IPO11: variants seen among roughly 807,000 people sequenced by gnomAD.
IPO11 encodes importin-11.
Under a neutral mutation model 143.2 loss-of-function variants are expected in IPO11, and 66 were observed. That is an observed-to-expected ratio of 0.46 (90% CI 0.38 to 0.57). The LOEUF (loss-of-function observed/expected upper bound fraction) is 0.57. Ranked by LOEUF, IPO11 falls within the 20% of genes least tolerant of loss-of-function variation. IPO11 has a pLI of 0.00. For synonymous variants in IPO11, 385 were observed against 377.8 expected (o/e 1.02, Z -0.22); for missense variants, 1,026 against 1,141.0 (o/e 0.90, Z 1.45).
intron 22 of IPO11, among the ~76,000 whole-genome samples, chr5:62,534,392 T>C (rs1250483974): frequency 6.6e-6 from 1 of 152,164 alleles, no homozygotes; most frequent in African/African-American, 2.4e-5. Flanking sequence ...AGATTCTCTA[T>C]AACATAATTT....
At chr5:62,580,825 G>C (rs1398273996) in intron 27 of IPO11, 2 of 1,551,218 alleles carry the variant, frequency 1.3e-6, no homozygotes, top group East Asian at 4.9e-5. Flanking sequence ...TACTTCACCT[G>C]CTGGTAGATT....
chr5:62,603,660 C>G (rs1047587862), intron 29 of IPO11, among the ~76,000 whole-genome samples: 1 of 152,200 alleles, frequency 6.6e-6, no homozygotes. Context: ...GTGTGCACAG[C>G]TTTGGGATGT....
intron 7 of IPO11, among the ~76,000 whole-genome samples, chr5:62,473,420 A>G (rs1183633153): frequency 2.0e-5 from 3 of 152,194 alleles, no homozygotes; most frequent in East Asian, 1.9e-4. Context: ...GTGGATGGAT[A>G]TTGAGAGTCT....
At position 62,496,697 on chromosome 5, in the gene IPO11, A is replaced by G. The variant is rs544197170; in HGVS notation, c.1590+2573A>G. On this transcript the variant is annotated intron_variant, in intron 16 of 29. Transcript: ENST00000325324. ...TACAACCATATAGAGACATGTATGTATATATATGCAAACATGCATTTATAT... is the reference window on the plus strand; with the variant it reads ...TACAACCATATAGAGACATGTATGTGTATATATGCAAACATGCATTTATAT... Among the ~76,000 whole-genome samples the G allele has an allele frequency of 2.0e-5, 3 of 152,348 alleles. No individual in the cohort carries two copies. In the East Asian group the frequency reaches 5.8e-4, roughly 29 times the overall value.
intron 29 of IPO11, among the ~76,000 whole-genome samples, chr5:62,607,749 T>C (rs1745776655): frequency 1.3e-5 from 2 of 152,106 alleles, no homozygotes; most frequent in Non-Finnish European, 2.9e-5. Flanking sequence ...CTTTTTTCTT[T>C]TCTCAACTTG....
intron 1 of IPO11, among the ~76,000 whole-genome samples, chr5:62,418,509 G>C (rs1194644435): frequency 6.6e-6 from 1 of 152,204 alleles, no homozygotes; most frequent in Non-Finnish European, 1.5e-5. Context: ...GCTATTAACA[G>C]TATAGTGCTA....
chr5:62,557,530 C>T (rs1395165583), intron 26 of IPO11, among the ~76,000 whole-genome samples: 1 of 152,192 alleles, frequency 6.6e-6, no homozygotes, highest in Non-Finnish European at 1.5e-5. Context: ...TGGTCTCTCA[C>T]TTCCCATTGA....
At chr5:62,545,177 C>G (rs1229090313) in intron 24 of IPO11, among the ~76,000 whole-genome samples, 12 of 152,208 alleles carry the variant, frequency 7.9e-5, no homozygotes, top group Non-Finnish European at 1.8e-4. Context: ...CTGGAGGCAT[C>G]ATGCTACCTG....
intron 20 of IPO11, among the ~76,000 whole-genome samples, chr5:62,517,177 G>A (rs982618889): frequency 1.4e-5 from 2 of 146,180 alleles, no homozygotes; most frequent in Non-Finnish European, 3.0e-5. Flanking sequence ...TAGCCTGGGC[G>A]ACAGAGCAAG....
At chr5:62,490,443 G>A (rs912010139) in intron 15 of IPO11, among the ~76,000 whole-genome samples, 8 of 152,134 alleles carry the variant, frequency 5.3e-5, no homozygotes, top group African/African-American at 1.9e-4. Context: ...GATGAGGGAG[G>A]ATGGAGGTCT....
At chr5:62,580,250 G>C (rs950364928) in intron 27 of IPO11, 1 of 1,546,324 alleles carries the variant, frequency 6.5e-7, no homozygotes, top group African/African-American at 1.4e-5. Flanking sequence ...ACTAGGGATG[G>C]GTTTAGTGGA....
chr5:62,610,167 T>C (rs1745876819), intron 29 of IPO11, among the ~76,000 whole-genome samples: 2 of 152,198 alleles, frequency 1.3e-5, no homozygotes, highest in Non-Finnish European at 2.9e-5. Context: ...TTTGAGTGAA[T>C]AAAAGCATAG....
At chr5:62,525,668 G>A (rs1305781861) in intron 20 of IPO11, among the ~76,000 whole-genome samples, 1 of 152,224 alleles carries the variant, frequency 6.6e-6, no homozygotes, top group Non-Finnish European at 1.5e-5. Context: ...ATAGGCATGA[G>A]CCATGGCATT....
At chr5:62,511,128 T>C (rs1003866443) in intron 19 of IPO11, among the ~76,000 whole-genome samples, 1 of 152,226 alleles carries the variant, frequency 6.6e-6, no homozygotes, top group Admixed American at 6.5e-5. Context: ...AATATAAATA[T>C]TTTATGGCTT....
intron 27 of IPO11, among the ~76,000 whole-genome samples, chr5:62,589,052 C>T (rs1353185196): frequency 2.0e-5 from 3 of 152,122 alleles, no homozygotes; most frequent in East Asian, 1.9e-4. Context: ...GCCTCATGTA[C>T]GAAGATATCC....
intron 26 of IPO11, among the ~76,000 whole-genome samples, chr5:62,558,729 G>A (rs867983006): frequency 2.2e-4 from 34 of 152,144 alleles, no homozygotes; most frequent in South Asian, 2.1e-4. Context: ...ACCATTTACT[G>A]TGTAGTTTTA....
intron 26 of IPO11, among the ~76,000 whole-genome samples, chr5:62,552,348 T>G (rs1385107993): frequency 2.6e-5 from 4 of 152,186 alleles, no homozygotes; most frequent in African/African-American, 9.6e-5. Flanking sequence ...TTTTAAAATA[T>G]ATGTAGCTTT....
chr5:62,536,904 T>C (rs1001520205), intron 23 of IPO11, 123 bp downstream of exon 23: 7 of 1,091,224 alleles, frequency 6.4e-6, no homozygotes, highest in African/African-American at 1.7e-5. Context: ...CAGAGAAACA[T>C]TGACTGTGAG....
intron 29 of IPO11, among the ~76,000 whole-genome samples, chr5:62,622,291 T>G (rs964350089): frequency 6.6e-6 from 1 of 152,190 alleles, no homozygotes; most frequent in Non-Finnish European, 1.5e-5. Flanking sequence ...GGAGTAGGAC[T>G]TAGACATCAG....
Sources: gnomAD v4.1 joint callset for allele counts (sites outside exome capture counted in the v4.1 genomes callset) on GRCh38, gnomAD v4.1.1 for gene constraint, MANE v1.5 for transcripts, NCBI Gene and HGNC (gene_info 2026-07-23, HGNC 2026-07-21) for gene names.